Variants in CSMD3 observed in about 807,000 individuals in gnomAD.
The protein encoded by CSMD3 is CUB and sushi domain-containing protein 3.
Under a neutral mutation model 435.2 loss-of-function variants are expected in CSMD3, and 177 were observed. That is an observed-to-expected ratio of 0.41 (90% CI 0.36 to 0.46). The LOEUF (loss-of-function observed/expected upper bound fraction) is 0.46. Ranked by LOEUF, CSMD3 falls within the 20% of genes least tolerant of loss-of-function variation. CSMD3 has a pLI of 0.34. For missense variants in CSMD3, 4,265 were observed against 4,504.6 expected, an observed-to-expected ratio of 0.95 and a Z score of 1.52; for synonymous variants, 1,656 against 1,520.5, an observed-to-expected ratio of 1.09 and a Z score of -2.07.
intron 1 of CSMD3, among the ~76,000 whole-genome samples, chr8:113,393,122 A>T (rs2094468607): frequency 6.6e-6 from 1 of 151,466 alleles, no homozygotes. Context: ...CTTCAAAACT[A>T]CTCCTCTTTC....
At chr8:113,081,508 C>T (rs1463931369) in intron 5 of CSMD3, among the ~76,000 whole-genome samples, 1 of 152,104 alleles carries the variant, frequency 6.6e-6, no homozygotes, top group African/African-American at 2.4e-5. Flanking sequence ...TAGAGGAAAG[C>T]CCCCTCAGCA....
intron 15 of CSMD3, among the ~76,000 whole-genome samples, chr8:112,684,223 T>C (rs1485457550): frequency 6.6e-6 from 1 of 152,002 alleles, no homozygotes; most frequent in African/African-American, 2.4e-5. Context: ...ACATGAAGTA[T>C]TTTTTAAAAA....
intron 3 of CSMD3, among the ~76,000 whole-genome samples, chr8:113,272,945 T>A (rs1490078026): frequency 3.3e-5 from 5 of 152,120 alleles, no homozygotes; most frequent in African/African-American, 1.2e-4. Context: ...AATAGCATAA[T>A]AGGGATAATA....
At chr8:113,062,612 T>G (rs1462233912) in intron 5 of CSMD3, among the ~76,000 whole-genome samples, 1 of 151,836 alleles carries the variant, frequency 6.6e-6, no homozygotes, top group African/African-American at 2.4e-5. Flanking sequence ...TTATTTCCAA[T>G]TCTTCCCTGT....
At chr8:113,209,486 G>A (rs2092807645) in intron 3 of CSMD3, among the ~76,000 whole-genome samples, 1 of 152,092 alleles carries the variant, frequency 6.6e-6, no homozygotes, top group African/African-American at 2.4e-5. Context: ...TAGTCTTAGG[G>A]ATTCAAGGAA....
At chr8:112,726,245 T>G (rs1417517308) in intron 13 of CSMD3, among the ~76,000 whole-genome samples, 1 of 151,990 alleles carries the variant, frequency 6.6e-6, no homozygotes, top group South Asian at 2.1e-4. Flanking sequence ...AAGATGAGAT[T>G]TAGGTGGAAA....
intron 3 of CSMD3, among the ~76,000 whole-genome samples, chr8:113,195,945 C>A (rs2132006774): frequency 6.7e-6 from 1 of 150,374 alleles, no homozygotes; most frequent in African/African-American, 2.4e-5. Context: ...GTTGTACATC[C>A]TTCTCATACA....
intron 70 of CSMD3, among the ~76,000 whole-genome samples, chr8:112,226,904 C>T (rs1812614323): frequency 6.6e-6 from 1 of 152,034 alleles, no homozygotes; most frequent in Admixed American, 6.6e-5. Context: ...GACAAAGCCC[C>T]CCAAACCTGG....
At chr8:112,482,931 T>A (rs1243717904) in intron 31 of CSMD3, among the ~76,000 whole-genome samples, 5 of 152,188 alleles carry the variant, frequency 3.3e-5, no homozygotes, top group Non-Finnish European at 7.3e-5. Flanking sequence ...AATGTCCATA[T>A]CTATCTCTAG....
chr8:112,841,617 A>G (rs1164507370), intron 11 of CSMD3, among the ~76,000 whole-genome samples: 1 of 151,794 alleles, frequency 6.6e-6, no homozygotes, highest in African/African-American at 2.4e-5. Context: ...TACACTGTAA[A>G]ACTGTAGGAT....
intron 11 of CSMD3, among the ~76,000 whole-genome samples, chr8:112,833,656 T>C (rs2079941003): frequency 6.6e-6 from 1 of 151,810 alleles, no homozygotes; most frequent in African/African-American, 2.4e-5. Flanking sequence ...TTGTACCTCA[T>C]TTAAGAGGGA....
intron 3 of CSMD3, among the ~76,000 whole-genome samples, chr8:113,253,813 T>C (rs1198396211): frequency 6.7e-6 from 1 of 149,616 alleles, no homozygotes; most frequent in African/African-American, 2.5e-5. Context: ...CACTGCAGTC[T>C]GGTGACAGAG....
chr8:113,134,529 T>C (rs1482941975), intron 4 of CSMD3, among the ~76,000 whole-genome samples: 1 of 152,078 alleles, frequency 6.6e-6, no homozygotes, highest in Non-Finnish European at 1.5e-5. Context: ...CACTCATTTA[T>C]AAGATATGAA....
At position 113,431,335 on chromosome 8, in the gene CSMD3, A is replaced by G. The variant is rs143226102; in HGVS notation, c.178+5342T>C. Among the ~76,000 whole-genome samples, 334 of 152,370 alleles carry G rather than the reference A, an allele frequency of 2.2e-3. 1 individual carries two copies. Among genetic ancestry groups the G allele is most frequent in the African/African-American group, 7.4e-3 (306 of 41,592 alleles). On this transcript the variant is annotated intron_variant, in intron 1 of 70. Coordinates refer to ENST00000297405, the MANE Select transcript of CSMD3 (RefSeq NM_198123.2). ...GGAAAAATAGCTAAAGCTATGTTTTAATGTACATGTAAATAAACTAAAGTG... is the reference window on the plus strand; with the variant it reads ...GGAAAAATAGCTAAAGCTATGTTTTGATGTACATGTAAATAAACTAAAGTG...
chr8:112,584,676 C>G (rs1444373476), intron 23 of CSMD3, among the ~76,000 whole-genome samples: 3 of 151,698 alleles, frequency 2.0e-5, no homozygotes, highest in African/African-American at 7.2e-5. Flanking sequence ...GATTACAAGA[C>G]AGTGTCATTC....
intron 11 of CSMD3, among the ~76,000 whole-genome samples, chr8:112,831,174 T>A (rs117132012): frequency 0.011 from 1,704 of 152,324 alleles, 16 homozygotes; most frequent in Non-Finnish European, 0.018. Context: ...CAAGTTTAAA[T>A]ACAGCATGTG....
At chr8:113,203,106 T>G (rs927316436) in intron 3 of CSMD3, among the ~76,000 whole-genome samples, 2 of 152,036 alleles carry the variant, frequency 1.3e-5, no homozygotes, top group African/African-American at 4.8e-5. Flanking sequence ...TTCTAGTAAA[T>G]AGCCAGAAGG....
At chr8:112,715,102 A>G (rs1204717558) in intron 13 of CSMD3, among the ~76,000 whole-genome samples, 1 of 152,196 alleles carries the variant, frequency 6.6e-6, no homozygotes, top group East Asian at 1.9e-4. Context: ...TAGAGGCACA[A>G]AAAACCCTTC....
chr8:113,346,902 G>C (rs928680340), intron 1 of CSMD3, among the ~76,000 whole-genome samples: 2 of 152,016 alleles, frequency 1.3e-5, no homozygotes, highest in Admixed American at 1.3e-4. Flanking sequence ...ATTTTGTGGA[G>C]TCTGATATTT....
Sources: allele counts gnomAD v4.1 joint callset (sites outside exome capture counted in the v4.1 genomes callset), GRCh38; gene constraint gnomAD v4.1.1; transcripts MANE v1.5; gene names NCBI Gene and HGNC (gene_info 2026-07-23, HGNC 2026-07-21).